Variants in TCF4 observed in about 807,000 individuals in gnomAD.
TCF4 encodes the protein SL3-3 enhancer factor 2.
TCF4 carries 3 observed loss-of-function variants against 82.1 expected under a neutral mutation model. The ratio of observed to expected loss-of-function variants is 0.04; its 90% CI spans 0.02 to 0.09. TCF4 has a LOEUF of 0.09. Among genes scored for constraint, TCF4 ranks in the 10% least tolerant of loss-of-function variants. TCF4 has a pLI of 1.00. For synonymous variants in TCF4, 276 were observed against 309.6 expected, an observed-to-expected ratio of 0.89 and a Z score of 1.14; for missense variants, 518 against 852.7, an observed-to-expected ratio of 0.61 and a Z score of 4.89.
rs1411032095 is a variant in TCF4, at chr18:55,222,691, ATTACT to A, written c.*5339_*5343del. The A allele has an allele frequency of 2.0e-5, 3 of 152,636 alleles. No homozygotes were observed. Among genetic ancestry groups the A allele is most frequent in the Non-Finnish European group, 4.4e-5 (3 of 68,042 alleles). 9.5% of individuals were successfully genotyped at this position (152,636 alleles called of 1,614,324 possible). A position where few individuals can be genotyped will look rare whatever the true frequency, so the allele number is the denominator to read the frequency against. Reference sequence around the variant, plus strand: ...GCGGGCTTTCCTTTACATTGCATACATTACTTTACATTTCTACAGTGCAATGTTGA... The same window carrying A: ...GCGGGCTTTCCTTTACATTGCATACATTACATTTCTACAGTGCAATGTTGA... On this transcript the variant is annotated 3_prime_UTR_variant, in exon 20 of 20. Coordinates refer to ENST00000354452, the MANE Select transcript of TCF4 (RefSeq NM_001083962.2).
chr18:55,580,868 G>T (rs913240389), intron 3 of TCF4, among the ~76,000 whole-genome samples: 31 of 151,528 alleles, frequency 2.0e-4, no homozygotes, highest in Non-Finnish European at 1.3e-4. Context: ...TTTAACATCT[G>T]TCTCTGTTTC....
At chr18:55,564,331 A>T (rs1451773753) in intron 3 of TCF4, among the ~76,000 whole-genome samples, 1 of 152,230 alleles carries the variant, frequency 6.6e-6, no homozygotes, top group Non-Finnish European at 1.5e-5. Flanking sequence ...AAAACATTGA[A>T]GCTGGGAGAA....
At chr18:55,612,055 G>A (rs1216176496) in intron 2 of TCF4, among the ~76,000 whole-genome samples, 1 of 152,240 alleles carries the variant, frequency 6.6e-6, no homozygotes, top group African/African-American at 2.4e-5. Context: ...ACAGGTGCAA[G>A]CCACTGCACC....
At chr18:55,397,663 T>C (rs2093579701) in intron 6 of TCF4, among the ~76,000 whole-genome samples, 1 of 152,160 alleles carries the variant, frequency 6.6e-6, no homozygotes, top group East Asian at 1.9e-4. Flanking sequence ...CTGAAGACAT[T>C]TGCATGAGGA....
intron 8 of TCF4, among the ~76,000 whole-genome samples, chr18:55,292,841 G>C (rs1055866257): frequency 6.6e-6 from 1 of 151,552 alleles, no homozygotes; most frequent in Non-Finnish European, 1.5e-5. Context: ...ATCTTTATAC[G>C]TCTATATTTA....
rs762671791 is a variant in TCF4, at chr18:55,403,709, C to T, written c.305-191G>A. 3.9e-6 allele frequency: 6 copies of T among 1,541,832 alleles called. 1 individual carries two copies. On this transcript the variant is annotated intron_variant, in intron 5 of 19. Transcript: ENST00000354452. ...CTATGATAAACTGGAAAAAAATATC[C>T]TTCATTCCTATTCTTAGCCAAACTG...
intron 6 of TCF4, among the ~76,000 whole-genome samples, chr18:55,369,409 A>G (rs2088251963): frequency 6.6e-6 from 1 of 152,338 alleles, no homozygotes; most frequent in Non-Finnish European, 1.5e-5. Flanking sequence ...TGGTCAGAGA[A>G]AGAACCAGAA....
intron 3 of TCF4, among the ~76,000 whole-genome samples, chr18:55,531,121 T>C (rs553338829): frequency 1.1e-3 from 173 of 151,918 alleles, no homozygotes; most frequent in African/African-American, 4.1e-3. Flanking sequence ...CCAGCTAATT[T>C]TTTTGTATTT....
At chr18:55,356,768 A>G (rs1196966391) in intron 6 of TCF4, among the ~76,000 whole-genome samples, 3 of 152,180 alleles carry the variant, frequency 2.0e-5, no homozygotes, top group South Asian at 2.1e-4. Flanking sequence ...TTTAAAAAAA[A>G]TCTTTTACTT....
At chr18:55,400,003 C>T (rs1295223748) in intron 6 of TCF4, among the ~76,000 whole-genome samples, 1 of 151,658 alleles carries the variant, frequency 6.6e-6, no homozygotes, top group Non-Finnish European at 1.5e-5. Context: ...TGATAATCAA[C>T]TCTAAACTTC....
intron 3 of TCF4, among the ~76,000 whole-genome samples, chr18:55,490,677 G>T (rs2096566695): frequency 6.6e-6 from 1 of 151,880 alleles, no homozygotes; most frequent in African/African-American, 2.4e-5. Flanking sequence ...TGTAGTTCAG[G>T]CACGTTAGCA....
chr18:55,437,998 T>C (rs1428604599), intron 5 of TCF4, among the ~76,000 whole-genome samples: 2 of 152,044 alleles, frequency 1.3e-5, no homozygotes, highest in Admixed American at 6.6e-5. Flanking sequence ...GTCAGGAGTT[T>C]GAGACCAGCC....
At chr18:55,635,691 G>A in intron 1 of TCF4, 1 of 1,545,528 alleles carries the variant, frequency 6.5e-7, no homozygotes, top group Non-Finnish European at 8.7e-7. Context: ...TAGCCCAAAT[G>A]CTGGTTCCTA....
chr18:55,260,945 T>C (rs2057934372), intron 12 of TCF4: 1 of 158,274 alleles, frequency 6.3e-6, no homozygotes, highest in African/African-American at 2.4e-5. Context: ...TATGCCATTT[T>C]GTCATCAGGG....
chr18:55,500,827 C>CT (rs1426611860), intron 3 of TCF4, among the ~76,000 whole-genome samples: 1 of 152,156 alleles, frequency 6.6e-6, no homozygotes, highest in Non-Finnish European at 1.5e-5. Flanking sequence ...ATGCCACTGG[C>CT]TTCATTATAT....
At chr18:55,525,186 A>T (rs1364470073) in intron 3 of TCF4, among the ~76,000 whole-genome samples, 2 of 151,450 alleles carry the variant, frequency 1.3e-5, no homozygotes, top group Non-Finnish European at 2.9e-5. Flanking sequence ...TGTTTTTTTC[A>T]CATGCCATGT....
chr18:55,624,334 G>T (rs935348974), intron 2 of TCF4, among the ~76,000 whole-genome samples: 1 of 151,886 alleles, frequency 6.6e-6, no homozygotes, highest in Non-Finnish European at 1.5e-5. Flanking sequence ...TCAGAGAAGG[G>T]TCTCATTATA....
intron 3 of TCF4, among the ~76,000 whole-genome samples, chr18:55,555,709 A>G (rs563338627): frequency 6.6e-6 from 1 of 152,224 alleles, no homozygotes; most frequent in Non-Finnish European, 1.5e-5. Context: ...GAGGTAGAGA[A>G]GTCTCTAATC....
intron 6 of TCF4, among the ~76,000 whole-genome samples, chr18:55,385,558 C>T (rs1052838747): frequency 6.6e-6 from 1 of 152,156 alleles, no homozygotes; most frequent in Non-Finnish European, 1.5e-5. Context: ...TGAGCCACCA[C>T]ACCCTGCTAA....
Sources: gnomAD v4.1 joint callset for allele counts (sites outside exome capture counted in the v4.1 genomes callset) on GRCh38, gnomAD v4.1.1 for gene constraint, MANE v1.5 for transcripts, NCBI Gene and HGNC (gene_info 2026-07-23, HGNC 2026-07-21) for gene names.